The following CEP112 variants were observed in gnomAD, a reference collection of about 807,000 sequenced individuals.
The protein encoded by CEP112 is centrosomal protein of 112 kDa.
In CEP112, 127 loss-of-function variants were observed where a neutral mutation model predicts 153.0. That is an observed-to-expected ratio of 0.83 (90% CI 0.72 to 0.96). The LOEUF is 0.96. Among genes scored for constraint, CEP112 ranks in the 40% least tolerant of loss-of-function variants. The pLI is 0.00. For synonymous variants in CEP112, 358 were observed against 374.4 expected, an observed-to-expected ratio of 0.96 and a Z score of 0.51; for missense variants, 1,089 against 1,101.2, an observed-to-expected ratio of 0.99 and a Z score of 0.16.
At chr17:65,754,244 A>G (rs1271004936) in intron 21 of CEP112, among the ~76,000 whole-genome samples, 1 of 152,184 alleles carries the variant, frequency 6.6e-6, no homozygotes, top group Admixed American at 6.5e-5. Context: ...ACCTCTAGGG[A>G]AACAGCATTC....
chr17:65,905,432 A>G (rs1174551949), intron 19 of CEP112, among the ~76,000 whole-genome samples: 1 of 152,208 alleles, frequency 6.6e-6, no homozygotes, highest in Admixed American at 6.5e-5. Context: ...AATGGTGATC[A>G]TAAAAAGTCA....
chr17:65,907,111 G>T (rs1288716574), intron 19 of CEP112, among the ~76,000 whole-genome samples: 2 of 152,126 alleles, frequency 1.3e-5, no homozygotes, highest in Non-Finnish European at 2.9e-5. Flanking sequence ...TGGGGCAAAA[G>T]AATTGCAGAA....
At chr17:66,135,364 T>A (rs1005453292) in intron 4 of CEP112, among the ~76,000 whole-genome samples, 2 of 152,146 alleles carry the variant, frequency 1.3e-5, no homozygotes, top group African/African-American at 4.8e-5. Flanking sequence ...GTACAAAGGC[T>A]GAAATTCAGT....
In CEP112 at chr17:65,795,975, G is replaced by T. The variant is rs562478858; in HGVS notation, c.2395-45251C>A. Among the ~76,000 whole-genome samples the T allele has an allele frequency of 3.0e-4, 46 of 152,134 alleles. No homozygotes were observed. In the South Asian group the frequency reaches 9.6e-3, roughly 32 times the overall value. ...ATTAGCTCTCATTTACCCATTTCAGGTAGAGTTTGCCCTGGCCACACGGGG... is the reference window on the plus strand; with the variant it reads ...ATTAGCTCTCATTTACCCATTTCAGTTAGAGTTTGCCCTGGCCACACGGGG... On this transcript the variant is annotated intron_variant, in intron 21 of 26. Transcript: ENST00000535342.
At chr17:65,915,182 T>C (rs572463258) in intron 19 of CEP112, among the ~76,000 whole-genome samples, 3 of 152,306 alleles carry the variant, frequency 2.0e-5, no homozygotes, top group Admixed American at 6.5e-5. Context: ...TGGAAGTTCC[T>C]TTCTCTTCTC....
intron 23 of CEP112, among the ~76,000 whole-genome samples, chr17:65,717,752 C>T (rs232099): frequency 0.47 from 71,001 of 152,058 alleles, 17,413 homozygotes; most frequent in African/African-American, 0.61. Flanking sequence ...CTTGGAAAGC[C>T]AGCAGGTAGA....
intron 21 of CEP112, among the ~76,000 whole-genome samples, chr17:65,818,099 C>T (rs1395332541): frequency 1.3e-5 from 2 of 151,786 alleles, no homozygotes; most frequent in Non-Finnish European, 3.0e-5. Context: ...TAAACTTGAA[C>T]ATGAAGTTTA....
chr17:66,024,465 A>G (rs2065119322), intron 16 of CEP112, among the ~76,000 whole-genome samples: 1 of 152,148 alleles, frequency 6.6e-6, no homozygotes. Context: ...AACTGAATTC[A>G]GTAAATTTTA....
intron 21 of CEP112, among the ~76,000 whole-genome samples, chr17:65,759,038 C>T (rs965244154): frequency 6.6e-6 from 1 of 152,082 alleles, no homozygotes; most frequent in African/African-American, 2.4e-5. Flanking sequence ...AAACAAGTTG[C>T]AGTAAAGAAG....
At chr17:65,812,595 T>A (rs1335763368) in intron 21 of CEP112, among the ~76,000 whole-genome samples, 1 of 152,214 alleles carries the variant, frequency 6.6e-6, no homozygotes, top group Non-Finnish European at 1.5e-5. Context: ...TTTATTGAAC[T>A]ATTTTTGGAT....
chr17:65,899,792 C>A (rs1326669025), intron 20 of CEP112, among the ~76,000 whole-genome samples: 3 of 152,044 alleles, frequency 2.0e-5, no homozygotes, highest in Non-Finnish European at 4.4e-5. Flanking sequence ...GCCTCCATTG[C>A]TAAACTAGAA....
chr17:66,164,884 A>ATGTGTGTG (rs1472993107), intron 4 of CEP112, among the ~76,000 whole-genome samples: 1 of 93,920 alleles, frequency 1.1e-5, no homozygotes, highest in African/African-American at 4.3e-5. Context: ...ATACACACAT[A>ATGTGTGTG]TATGTGTGTG....
chr17:65,762,600 T>A (rs2052677322), intron 21 of CEP112, among the ~76,000 whole-genome samples: 1 of 151,918 alleles, frequency 6.6e-6, no homozygotes. Context: ...AAAACATATT[T>A]TTTACTGGTT....
intron 23 of CEP112, among the ~76,000 whole-genome samples, chr17:65,728,581 T>C (rs2050313556): frequency 6.6e-6 from 1 of 152,196 alleles, no homozygotes; most frequent in Non-Finnish European, 1.5e-5. Flanking sequence ...AGTAAATGTA[T>C]TCAAGTACAT....
At chr17:66,128,036 C>G (rs1468262753) in intron 6 of CEP112, among the ~76,000 whole-genome samples, 1 of 152,084 alleles carries the variant, frequency 6.6e-6, no homozygotes, top group Non-Finnish European at 1.5e-5. Flanking sequence ...CGCGGTGGCC[C>G]ACACTTGTAA....
chr17:65,977,884 G>A (rs1160488852), intron 17 of CEP112, among the ~76,000 whole-genome samples: 3 of 152,166 alleles, frequency 2.0e-5, no homozygotes, highest in African/African-American at 7.2e-5. Context: ...AGACCAGCCT[G>A]GACAACACGG....
intron 19 of CEP112, among the ~76,000 whole-genome samples, chr17:65,920,362 A>AATAT (rs55934550): frequency 0.052 from 2,176 of 42,246 alleles, 89 homozygotes; most frequent in Non-Finnish European, 0.067. Flanking sequence ...AAACAAACAA[A>AATAT]ATATATATAT....
In CEP112 at chr17:66,011,422, A is replaced by G. The variant is rs556677197; in HGVS notation, c.1657-5653T>C. 3.9e-5 allele frequency among the ~76,000 whole-genome samples: 6 copies of G among 152,134 alleles called. No homozygotes were observed. The East Asian group carries it at 1.2e-3, about 29-fold the overall frequency. On this transcript the variant is annotated intron_variant, in intron 16 of 26. Coordinates refer to ENST00000535342, the MANE Select transcript of CEP112 (RefSeq NM_001199165.4). Reference sequence around the variant, plus strand: ...TATCCCAGAGATTCTGGTACATTTTATCTTTAATCTCATTAAAGAATTTCT... The same window carrying G: ...TATCCCAGAGATTCTGGTACATTTTGTCTTTAATCTCATTAAAGAATTTCT...
In CEP112 at chr17:66,122,151, C is replaced by T. The variant is rs2069630556; in HGVS notation, c.642+7595G>A. On this transcript the variant is annotated intron_variant, in intron 6 of 26. Coordinates refer to ENST00000535342, the MANE Select transcript of CEP112 (RefSeq NM_001199165.4). ...CCTCGTGATCCGCCCACCTCAGCCTCCCAAAGTGCTGGGATTATAGGCATG... is the reference window on the plus strand; with the variant it reads ...CCTCGTGATCCGCCCACCTCAGCCTTCCAAAGTGCTGGGATTATAGGCATG... Among the ~76,000 whole-genome samples the T allele has an allele frequency of 2.6e-5, 4 of 152,172 alleles. No homozygotes were observed. In the South Asian group the frequency reaches 8.3e-4, roughly 32 times the overall value.
Sources: gnomAD v4.1 joint callset for allele counts (sites outside exome capture counted in the v4.1 genomes callset) on GRCh38, gnomAD v4.1.1 for gene constraint, MANE v1.5 for transcripts, NCBI Gene and HGNC (gene_info 2026-07-23, HGNC 2026-07-21) for gene names.